FER: variants seen among roughly 807,000 people sequenced by gnomAD.
FER encodes FER tyrosine kinase, also known as tyrosine-protein kinase Fer.
In FER, 63 loss-of-function variants were observed where a neutral mutation model predicts 111.0. That is an observed-to-expected ratio of 0.57 (90% confidence interval 0.46 to 0.70). FER has a LOEUF of 0.70. FER is among the 30% of genes least tolerant of loss of function. The pLI, the probability that FER is intolerant of heterozygous loss-of-function variation, is 0.00. For missense variants in FER, 914 were observed against 954.0 expected, an observed-to-expected ratio of 0.96 and a Z score of 0.55; for synonymous variants, 327 against 313.9, an observed-to-expected ratio of 1.04 and a Z score of -0.44.
At chr5:109,155,942 A>G (rs1346755834) in intron 17 of FER, among the ~76,000 whole-genome samples, 1 of 152,038 alleles carries the variant, frequency 6.6e-6, no homozygotes, top group Non-Finnish European at 1.5e-5. Context: ...AAGGGGTTCT[A>G]ATTGATAATA....
At chr5:109,071,211 C>T (rs1293885377) in intron 16 of FER, among the ~76,000 whole-genome samples, 1 of 151,990 alleles carries the variant, frequency 6.6e-6, no homozygotes, top group Non-Finnish European at 1.5e-5. Context: ...TCCTCAGTAT[C>T]CTCTAGTCTG....
intron 16 of FER, among the ~76,000 whole-genome samples, chr5:109,058,492 T>G (rs532059075): frequency 6.6e-6 from 1 of 151,870 alleles, no homozygotes; most frequent in Non-Finnish European, 1.5e-5. Context: ...GTGGTATTAA[T>G]TCTACAAAAC....
At chr5:109,100,568 T>C (rs762130471) in intron 17 of FER, 49 bp downstream of exon 17, 2 of 1,541,676 alleles carry the variant, frequency 1.3e-6, no homozygotes, top group East Asian at 2.3e-5. Context: ...AATAGAATGC[T>C]GGAAAACTGA....
At chr5:109,034,130 T>C (rs1302257441) in intron 13 of FER, among the ~76,000 whole-genome samples, 8 of 152,208 alleles carry the variant, frequency 5.3e-5, no homozygotes, top group Non-Finnish European at 1.2e-4. Flanking sequence ...GGTCAACTTA[T>C]CTCCATTCCT....
intron 15 of FER, among the ~76,000 whole-genome samples, chr5:109,045,988 G>A (rs1469213353): frequency 4.6e-5 from 7 of 152,134 alleles, no homozygotes; most frequent in African/African-American, 7.2e-5. Flanking sequence ...CTTTTTTTAC[G>A]TGCTATCCTG....
chr5:108,883,330 C>T, intron 8 of FER, 66 bp from the exon 9 acceptor site: 2 of 1,434,230 alleles, frequency 1.4e-6, no homozygotes, highest in Non-Finnish European at 1.9e-6. Flanking sequence ...TGTATGAATA[C>T]TTTTTTGATA....
intron 10 of FER, among the ~76,000 whole-genome samples, chr5:108,943,468 C>T (rs955738214): frequency 5.3e-5 from 8 of 152,104 alleles, no homozygotes; most frequent in Non-Finnish European, 1.0e-4. Context: ...TTGGTTGTCA[C>T]TTTCTACAGC....
intron 2 of FER, among the ~76,000 whole-genome samples, chr5:108,773,538 A>G (rs1753151832): frequency 6.6e-6 from 1 of 152,002 alleles, no homozygotes; most frequent in African/African-American, 2.4e-5. Context: ...ATTCCTTTTT[A>G]TGGCTGCATA....
chr5:109,045,961 G>A (rs915293161), intron 15 of FER, among the ~76,000 whole-genome samples: 1 of 152,188 alleles, frequency 6.6e-6, no homozygotes, highest in Admixed American at 6.5e-5. Flanking sequence ...GAGTTTCAGT[G>A]ATTAAGCAAG....
intron 16 of FER, among the ~76,000 whole-genome samples, chr5:109,058,022 A>G (rs976176186): frequency 6.6e-6 from 1 of 152,194 alleles, no homozygotes; most frequent in African/African-American, 2.4e-5. Context: ...AGAATTCATG[A>G]TCAAGTGGGA....
chr5:109,095,412 G>T lies in FER; in HGVS notation c.1925-4984G>T, dbSNP rs138764912. On this transcript the variant is annotated intron_variant, in intron 16 of 19. Coordinates refer to ENST00000281092, the MANE Select transcript of FER (RefSeq NM_005246.4). ...ACCTAATGTTTCAGTTTGTTTCTAT[G>T]GTTTGTTCATGCTACAAGCCATCAT... Among the ~76,000 whole-genome samples, 4 of 152,040 alleles carry T rather than the reference G, an allele frequency of 2.6e-5. No individual in the cohort carries two copies. The East Asian group carries it at 7.7e-4, about 29-fold the overall frequency.
chr5:109,048,981 A>G (rs946798429), intron 16 of FER, among the ~76,000 whole-genome samples: 2 of 152,066 alleles, frequency 1.3e-5, no homozygotes, highest in East Asian at 3.9e-4. Flanking sequence ...TTATTTGTGG[A>G]TAGTTTGGTC....
chr5:108,786,416 T>A (rs373376484), intron 2 of FER, among the ~76,000 whole-genome samples: 32 of 152,336 alleles, frequency 2.1e-4, no homozygotes, highest in African/African-American at 7.5e-4. Flanking sequence ...TGGGGTAGTA[T>A]TGGACTCACT....
intron 10 of FER, among the ~76,000 whole-genome samples, chr5:108,938,855 G>T (rs1162062144): frequency 6.6e-6 from 1 of 151,980 alleles, no homozygotes; most frequent in Non-Finnish European, 1.5e-5. Flanking sequence ...GACTGATGTA[G>T]AGTGGACAAA....
chr5:109,153,344 G>T (rs1010061461), intron 17 of FER, among the ~76,000 whole-genome samples: 10 of 151,918 alleles, frequency 6.6e-5, no homozygotes, highest in Admixed American at 2.6e-4. Flanking sequence ...TATTTCAAGT[G>T]ATAGGATTTG....
At chr5:108,851,487 A>G (rs894071625) in intron 5 of FER, among the ~76,000 whole-genome samples, 11 of 152,348 alleles carry the variant, frequency 7.2e-5, no homozygotes, top group African/African-American at 2.6e-4. Context: ...AAACCATATC[A>G]GTCATCTTCA....
At chr5:108,909,775 GTATT>G (rs1751292826) in intron 10 of FER, among the ~76,000 whole-genome samples, 1 of 150,740 alleles carries the variant, frequency 6.6e-6, no homozygotes, top group Non-Finnish European at 1.5e-5. Context: ...CAATGTATAT[GTATT>G]TATATATGTA....
At chr5:109,043,060 G>A (rs1343217396) in intron 14 of FER, among the ~76,000 whole-genome samples, 1 of 152,178 alleles carries the variant, frequency 6.6e-6, no homozygotes, top group Non-Finnish European at 1.5e-5. Context: ...ATGAATCAGG[G>A]TAACCTTTCT....
At chr5:108,876,649 G>A (rs1227992341) in intron 8 of FER, among the ~76,000 whole-genome samples, 1 of 152,152 alleles carries the variant, frequency 6.6e-6, no homozygotes, top group Non-Finnish European at 1.5e-5. Context: ...ATTGCACCAT[G>A]CCTGCTAAGC....
Sources: allele counts gnomAD v4.1 joint callset (sites outside exome capture counted in the v4.1 genomes callset), GRCh38; gene constraint gnomAD v4.1.1; transcripts MANE v1.5; gene names NCBI Gene and HGNC (gene_info 2026-07-23, HGNC 2026-07-21).